Variants in NRXN3 observed in about 807,000 individuals in gnomAD.
NRXN3 encodes the protein neurexin III.
In NRXN3, 32 loss-of-function variants were observed where a neutral mutation model predicts 137.6. The observed-to-expected ratio is 0.23, with a 90% CI of 0.18 to 0.31. The LOEUF is 0.31. Among genes scored for constraint, NRXN3 ranks in the 10% least tolerant of loss-of-function variants. The pLI, the probability that NRXN3 is intolerant of heterozygous loss-of-function variation, is 1.00. For synonymous variants in NRXN3, 798 were observed against 784.5 expected (o/e 1.02, Z -0.29); for missense variants, 1,574 against 2,062.5 (o/e 0.76, Z 4.59).
At chr14:79,216,117 T>C (rs1207336082) in intron 15 of NRXN3, among the ~76,000 whole-genome samples, 1 of 152,200 alleles carries the variant, frequency 6.6e-6, no homozygotes, top group Non-Finnish European at 1.5e-5. Flanking sequence ...GTGACTGGCA[T>C]GGCTGAGACC....
At chr14:79,430,398 A>T (rs1372295468) in intron 15 of NRXN3, among the ~76,000 whole-genome samples, 4 of 152,142 alleles carry the variant, frequency 2.6e-5, no homozygotes, top group Non-Finnish European at 4.4e-5. Flanking sequence ...GATTCATTTG[A>T]CTGAAAAATT....
At chr14:79,431,632 T>G (rs1436412706) in intron 15 of NRXN3, among the ~76,000 whole-genome samples, 1 of 152,162 alleles carries the variant, frequency 6.6e-6, no homozygotes, top group Non-Finnish European at 1.5e-5. Flanking sequence ...AAATCCTATA[T>G]TTTGATTAAA....
At chr14:79,667,890 A>G (rs1445412020) in intron 17 of NRXN3, among the ~76,000 whole-genome samples, 4 of 152,084 alleles carry the variant, frequency 2.6e-5, no homozygotes, top group East Asian at 1.9e-4. Flanking sequence ...TTTGTTCCAT[A>G]TCTTCTCTCT....
intron 4 of NRXN3, among the ~76,000 whole-genome samples, chr14:78,630,961 G>T (rs2097516623): frequency 6.6e-6 from 1 of 152,140 alleles, no homozygotes; most frequent in South Asian, 2.1e-4. Flanking sequence ...ATTGCTTGGG[G>T]ATCAATAGTT....
chr14:79,444,402 T>C (rs2096020412), intron 15 of NRXN3, among the ~76,000 whole-genome samples: 1 of 152,254 alleles, frequency 6.6e-6, no homozygotes, highest in Admixed American at 6.5e-5. Flanking sequence ...GTTATACGAC[T>C]GCTTCGGATT....
chr14:79,385,260 C>G (rs1393152189), intron 15 of NRXN3, among the ~76,000 whole-genome samples: 1 of 133,124 alleles, frequency 7.5e-6, no homozygotes, highest in Non-Finnish European at 1.6e-5. Flanking sequence ...CTTCCTGTGT[C>G]CATGTGATCT....
intron 19 of NRXN3, among the ~76,000 whole-genome samples, chr14:79,730,408 T>C (rs2098917678): frequency 6.6e-6 from 1 of 152,202 alleles, no homozygotes; most frequent in South Asian, 2.1e-4. Flanking sequence ...TGACAAGCAC[T>C]TGATAGAGGC....
chr14:79,018,344 A>T (rs2099583376), intron 15 of NRXN3, among the ~76,000 whole-genome samples: 1 of 151,508 alleles, frequency 6.6e-6, no homozygotes, highest in African/African-American at 2.4e-5. Context: ...CAATAAAAAA[A>T]AATCCAAGAA....
At chr14:79,159,020 C>A (rs1383732723) in intron 15 of NRXN3, among the ~76,000 whole-genome samples, 1 of 151,796 alleles carries the variant, frequency 6.6e-6, no homozygotes, top group East Asian at 2.0e-4. Flanking sequence ...GTAAAGCTCT[C>A]CTGAGTGGTT....
At chr14:79,320,527 T>C (rs2153269276) in intron 15 of NRXN3, among the ~76,000 whole-genome samples, 1 of 152,326 alleles carries the variant, frequency 6.6e-6, no homozygotes, top group South Asian at 2.1e-4. Context: ...ATGTGAATAG[T>C]GCCTGTTTTG....
chr14:79,856,699 A>C (rs1332361141), intron 20 of NRXN3, among the ~76,000 whole-genome samples: 1 of 151,698 alleles, frequency 6.6e-6, no homozygotes, highest in Non-Finnish European at 1.5e-5. Context: ...AATTCTATTA[A>C]ATTTTTTATA....
At chr14:78,352,296 C>T (rs1366348934) in intron 4 of NRXN3, among the ~76,000 whole-genome samples, 2 of 152,140 alleles carry the variant, frequency 1.3e-5, no homozygotes, top group East Asian at 1.9e-4. Context: ...CCATCCCTTG[C>T]TCACTAACTT....
chr14:78,776,421 A>T (rs2098745172), intron 8 of NRXN3, among the ~76,000 whole-genome samples: 1 of 152,264 alleles, frequency 6.6e-6, no homozygotes. Context: ...ATTTTGTATA[A>T]ACCCGAGCAG....
Position 79,455,956 on chromosome 14 carries a change from CTTA to C in NRXN3, c.3263-11256_3263-11254del, listed in dbSNP as rs558382066. Among the ~76,000 whole-genome samples the C allele has an allele frequency of 6.4e-3, 978 of 151,644 alleles. 8 individuals carry two copies. Among genetic ancestry groups the C allele is most frequent in the African/African-American group, 0.022 (904 of 41,428 alleles). ...GTTCAGTTTATTTATGTTTATTTTCCTTATTATTATTTGAGACATTTTCTTCTG... is the reference window on the plus strand; with the variant it reads ...GTTCAGTTTATTTATGTTTATTTTCCTTATTATTTGAGACATTTTCTTCTG... On this transcript the variant is annotated intron_variant, in intron 15 of 20. Transcript: ENST00000335750.
chr14:78,434,451 A>G (rs968342097), intron 4 of NRXN3, among the ~76,000 whole-genome samples: 1 of 152,166 alleles, frequency 6.6e-6, no homozygotes, highest in Non-Finnish European at 1.5e-5. Context: ...ATAACTAATT[A>G]CATCTGTTAC....
chr14:79,051,654 C>T (rs1188656720), intron 15 of NRXN3, among the ~76,000 whole-genome samples: 1 of 152,162 alleles, frequency 6.6e-6, no homozygotes. Context: ...TGGCATCAAA[C>T]TGATTTTAGA....
At chr14:79,656,488 C>CTT (rs2153978952) in intron 16 of NRXN3, among the ~76,000 whole-genome samples, 1 of 152,300 alleles carries the variant, frequency 6.6e-6, no homozygotes, top group African/African-American at 2.4e-5. Context: ...TGACTGGTGA[C>CTT]TTAGAGCCGT....
chr14:78,973,307 A>C (rs77690832), intron 14 of NRXN3, among the ~76,000 whole-genome samples: 3 of 152,164 alleles, frequency 2.0e-5, no homozygotes, highest in Non-Finnish European at 4.4e-5. Flanking sequence ...AGGAAAAAAA[A>C]GGCCAAGGCC....
chr14:79,828,784 G>A (rs2099313731), intron 20 of NRXN3, among the ~76,000 whole-genome samples: 2 of 150,968 alleles, frequency 1.3e-5, no homozygotes, highest in Non-Finnish European at 2.9e-5. Context: ...GTGTCTTATT[G>A]TGCTTCTTCA....
Sources: gnomAD v4.1 joint callset for allele counts (sites outside exome capture counted in the v4.1 genomes callset) on GRCh38, gnomAD v4.1.1 for gene constraint, MANE v1.5 for transcripts, NCBI Gene and HGNC (gene_info 2026-07-23, HGNC 2026-07-21) for gene names.